Variants in ARHGAP26 observed in about 807,000 individuals in gnomAD.
The protein encoded by ARHGAP26 is rho GTPase-activating protein 26.
A neutral mutation model predicts 104.8 loss-of-function variants in ARHGAP26; 38 were observed. The ratio of observed to expected loss-of-function variants is 0.36; its 90% CI spans 0.28 to 0.48. The LOEUF (loss-of-function observed/expected upper bound fraction) is 0.48. Among genes scored for constraint, ARHGAP26 ranks in the 20% least tolerant of loss-of-function variants. The pLI, the probability that ARHGAP26 is intolerant of heterozygous loss-of-function variation, is 0.99. For synonymous variants in ARHGAP26, 341 were observed against 340.0 expected (o/e 1.00, Z -0.03); for missense variants, 704 against 947.9 (o/e 0.74, Z 3.38).
chr5:143,222,313 T>C, intron 22 of ARHGAP26, 45 bp from the exon 23 acceptor site: 1 of 1,424,642 alleles, frequency 7.0e-7, no homozygotes, highest in Non-Finnish European at 9.6e-7. Flanking sequence ...GCCTGCTCTA[T>C]CTGTAATGCC....
intron 20 of ARHGAP26, among the ~76,000 whole-genome samples, chr5:143,157,985 C>T (rs949480445): frequency 3.3e-5 from 5 of 152,294 alleles, no homozygotes; most frequent in Non-Finnish European, 7.4e-5. Flanking sequence ...ATAATAATAC[C>T]TACTTTCAAG....
At chr5:142,807,505 A>G (rs946710888) in intron 1 of ARHGAP26, among the ~76,000 whole-genome samples, 4 of 152,198 alleles carry the variant, frequency 2.6e-5, no homozygotes, top group Non-Finnish European at 5.9e-5. Flanking sequence ...TGGATTCTGC[A>G]GGCCATGCTT....
At chr5:142,847,077 G>T (rs1325127036) in intron 1 of ARHGAP26, among the ~76,000 whole-genome samples, 1 of 152,108 alleles carries the variant, frequency 6.6e-6, no homozygotes, top group Admixed American at 6.5e-5. Flanking sequence ...TGCTCTCGGT[G>T]CACCTTGGGC....
At chr5:143,132,836 T>C (rs1027210800) in intron 18 of ARHGAP26, among the ~76,000 whole-genome samples, 5 of 149,802 alleles carry the variant, frequency 3.3e-5, no homozygotes, top group African/African-American at 1.2e-4. Flanking sequence ...AGTATTATTG[T>C]ATCCATTTAA....
chr5:142,874,890 A>G, intron 2 of ARHGAP26: 2 of 532,230 alleles, frequency 3.8e-6, no homozygotes, highest in South Asian at 2.4e-5. Context: ...CCTTGAAGAA[A>G]TCATTCCCTA....
At chr5:142,947,188 C>T (rs1292693701) in intron 11 of ARHGAP26, 1 of 147,042 alleles carries the variant, frequency 6.8e-6, no homozygotes, top group Non-Finnish European at 1.5e-5. Flanking sequence ...AATATGTCCT[C>T]TTGCAATTAA....
intron 11 of ARHGAP26, among the ~76,000 whole-genome samples, chr5:142,962,413 A>G (rs1475989173): frequency 1.3e-5 from 2 of 152,218 alleles, no homozygotes; most frequent in African/African-American, 4.8e-5. Context: ...GGAAAATAAC[A>G]AGAACTGAAA....
chr5:143,063,220 AC>A (rs1162101804), intron 17 of ARHGAP26, among the ~76,000 whole-genome samples: 3 of 151,122 alleles, frequency 2.0e-5, no homozygotes, highest in Admixed American at 6.6e-5. Flanking sequence ...AGTGATTTTA[AC>A]CCTTTTCTAT....
chr5:142,793,305 C>T (rs932821095), intron 1 of ARHGAP26, among the ~76,000 whole-genome samples: 6 of 126,886 alleles, frequency 4.7e-5, no homozygotes, highest in East Asian at 2.7e-4. Flanking sequence ...CTTGAGGGGT[C>T]GTAGCTTTGG....
intron 11 of ARHGAP26, among the ~76,000 whole-genome samples, chr5:142,997,979 G>A (rs1776648452): frequency 6.6e-6 from 1 of 152,086 alleles, no homozygotes; most frequent in Admixed American, 6.6e-5. Context: ...GATGTCTTTG[G>A]ACAGAAATAC....
chr5:142,887,740 A>G (rs978856903), intron 5 of ARHGAP26, among the ~76,000 whole-genome samples: 2 of 152,186 alleles, frequency 1.3e-5, no homozygotes, highest in African/African-American at 4.8e-5. Flanking sequence ...ATAAAAATCT[A>G]ACACTAAAGA....
At chr5:142,933,536 A>T (rs1335980163) in intron 11 of ARHGAP26, among the ~76,000 whole-genome samples, 1 of 152,190 alleles carries the variant, frequency 6.6e-6, no homozygotes, top group Non-Finnish European at 1.5e-5. Context: ...AGAGCCGAGA[A>T]GGGAGGAGTC....
intron 11 of ARHGAP26, among the ~76,000 whole-genome samples, chr5:142,943,612 T>G (rs986710810): frequency 2.6e-5 from 4 of 152,216 alleles, no homozygotes; most frequent in South Asian, 2.1e-4. Context: ...TGAAATTTTT[T>G]GGGGGAAGGC....
At chr5:142,906,986 G>C (rs972633708) in intron 8 of ARHGAP26, among the ~76,000 whole-genome samples, 1 of 152,134 alleles carries the variant, frequency 6.6e-6, no homozygotes, top group African/African-American at 2.4e-5. Context: ...ATAGTGCTTT[G>C]TTTTCAAGTA....
chr5:142,955,937 A>C (rs551241014), intron 11 of ARHGAP26, among the ~76,000 whole-genome samples: 1 of 152,178 alleles, frequency 6.6e-6, no homozygotes, highest in East Asian at 1.9e-4. Context: ...TGGCTGCAGC[A>C]GTGAGTGGAG....
intron 19 of ARHGAP26, among the ~76,000 whole-genome samples, chr5:143,137,933 C>T (rs191787987): frequency 5.3e-5 from 8 of 152,350 alleles, no homozygotes; most frequent in African/African-American, 1.9e-4. Flanking sequence ...CCTCTTCCTT[C>T]CCAGAGAAGA....
intron 20 of ARHGAP26, among the ~76,000 whole-genome samples, chr5:143,200,714 GC>G (rs1399194765): frequency 2.0e-5 from 3 of 152,098 alleles, no homozygotes; most frequent in Non-Finnish European, 2.9e-5. Context: ...TTTCTACAAG[GC>G]CGTCAGTAAT....
chr5:143,007,862 C>T (rs1034593019), intron 11 of ARHGAP26, among the ~76,000 whole-genome samples: 12 of 152,186 alleles, frequency 7.9e-5, no homozygotes, highest in African/African-American at 1.4e-4. Context: ...TTGATTTAAA[C>T]GTTGACCTTA....
rs201063901 is a variant in ARHGAP26 at position 143,226,790 on chromosome 5, A to C, written c.*4344A>C. 710 of 220,760 alleles carry C rather than the reference A, an allele frequency of 3.2e-3. 3 individuals carry two copies. The highest frequency in any genetic ancestry group is 0.015 in the African/African-American group (666 of 44,680). The allele number at this position is 220,760 out of a possible 1,614,324, so 13.7% of individuals were successfully genotyped here. A position where few individuals can be genotyped will look rare whatever the true frequency, so the allele number is the denominator to read the frequency against. On this transcript the variant is annotated 3_prime_UTR_variant, in exon 23 of 23. Coordinates refer to ENST00000645722, the MANE Select transcript of ARHGAP26 (RefSeq NM_001135608.3). ...CTCTCACCGAGTGCTTTTCGGTGAG[A>C]GGCAAAGAGAAAGAATGAACAATCA...
Sources: gnomAD v4.1 joint callset for allele counts (sites outside exome capture counted in the v4.1 genomes callset) on GRCh38, gnomAD v4.1.1 for gene constraint, MANE v1.5 for transcripts, NCBI Gene and HGNC (gene_info 2026-07-23, HGNC 2026-07-21) for gene names.